ARID3A: variants seen among roughly 807,000 people sequenced by gnomAD.
ARID3A encodes the protein AT-rich interactive domain-containing protein 3A.
In ARID3A, 11 loss-of-function variants were observed where a neutral mutation model predicts 52.7. That is an observed-to-expected ratio of 0.21 (90% CI 0.13 to 0.35). The LOEUF is 0.35. ARID3A is among the 10% of genes least tolerant of loss of function. ARID3A has a pLI of 1.00. For synonymous variants in ARID3A, 404 were observed against 359.4 expected (o/e 1.12, Z -1.40); for missense variants, 721 against 838.5 (o/e 0.86, Z 1.73).
chr19:949,512 T>G (rs754868057), intron 3 of ARID3A, among the ~76,000 whole-genome samples: 6 of 152,004 alleles, frequency 3.9e-5, no homozygotes, highest in Non-Finnish European at 8.8e-5. Flanking sequence ...TACGGCCTCT[T>G]TCTTTTCCTT....
rs1184363115 is a variant in ARID3A, at chr19:938,224, G to A, written c.693+5482G>A. Reference sequence around the variant, plus strand: ...GGTTCTGATTTTCATTCAGTGTCAGGATCTCTCCCTCTGCTTTCCAAAGTA... The same window carrying A: ...GGTTCTGATTTTCATTCAGTGTCAGAATCTCTCCCTCTGCTTTCCAAAGTA... On this transcript the variant is annotated intron_variant, in intron 3 of 8. Transcript: ENST00000263620. This position sits in a 1 kb window ranked among gnomAD's most constrained non-coding sequence, Gnocchi z 4.0. Among the ~76,000 whole-genome samples the A allele has an allele frequency of 1.3e-5, 2 of 152,178 alleles. No individual in the cohort carries two copies. Among genetic ancestry groups the A allele is most frequent in the African/African-American group, 4.8e-5 (2 of 41,444 alleles).
chr19:973,104 A>ATCTTTTTT lies in ARID3A; in HGVS notation c.*1040_*1041insCTTTTTTT, dbSNP rs775338115. On this transcript the variant is annotated 3_prime_UTR_variant, in exon 9 of 9. Coordinates refer to ENST00000263620, the MANE Select transcript of ARID3A (RefSeq NM_005224.3). ...GGGCTCTCGAGTCAGGGGCCTGGAA[A>ATCTTTTTT]TTTTTTTTTTTTTTTTTTTTTGAGA... The ATCTTTTTT allele has an allele frequency of 3.5e-4, 19 of 53,656 alleles. No homozygotes were observed. The highest frequency in any genetic ancestry group is 0.02 in the Middle Eastern group (1 of 50). The allele number at this position is 53,656 out of a possible 1,614,324, so 3.3% of individuals were successfully genotyped here. A position where few individuals can be genotyped will look rare whatever the true frequency, so the allele number is the denominator to read the frequency against.
At position 929,681 on chromosome 19, in the gene ARID3A, T is replaced by A. The variant is rs2145343190; in HGVS notation, c.153T>A (p.Ser51Arg). Residue 51 changes from serine (S) to arginine (R), a missense_variant, in exon 2 of 9, where the codon AGT (serine) becomes AGA (arginine). Physicochemically the swap from Ser to Arg is moderately radical, Grantham distance 110. Around this residue, in one of 5 missense-constraint regions of ARID3A, gnomAD observed 349 missense variants for 297.3 expected, o/e 1.17. Coordinates refer to ENST00000263620, the MANE Select transcript of ARID3A (RefSeq NM_005224.3). The surrounding 1 kb of genome is among the most constrained non-coding windows in gnomAD (Gnocchi z 6.2). ...AAPDEDREPE[S>R]ARMQRAQMAA... Reference sequence around the variant, plus strand: ...CCGACGAGGACAGAGAGCCCGAGAGTGCCCGGATGCAGCGGGCTCAGATGG... The same window carrying A: ...CCGACGAGGACAGAGAGCCCGAGAGAGCCCGGATGCAGCGGGCTCAGATGG... The A allele has an allele frequency of 6.4e-7, 1 of 1,557,830 alleles. No individual in the cohort carries two copies. The highest frequency in any genetic ancestry group is 8.6e-7 in the Non-Finnish European group (1 of 1,160,222).
intron 2 of ARID3A, among the ~76,000 whole-genome samples, chr19:930,570 C>T (rs568066657): frequency 1.9e-4 from 28 of 146,758 alleles, no homozygotes; most frequent in Admixed American, 1.2e-3. Context: ...AGTGCAGTGG[C>T]GTGATCTCAG....
At chr19:952,760 GGGGGGCAAAGGTTCTCCCA>G (rs1314302279) in intron 3 of ARID3A, among the ~76,000 whole-genome samples, 2 of 149,902 alleles carry the variant, frequency 1.3e-5, no homozygotes, top group Non-Finnish European at 2.9e-5. Context: ...GAGGGGGCCT[GGGGGGCAAAGGTTCTCCCA>G]GGGGGCCCTG....
intron 6 of ARID3A, among the ~76,000 whole-genome samples, chr19:965,526 T>G (rs1352837942): frequency 1.5e-5 from 2 of 131,622 alleles, no homozygotes; most frequent in Non-Finnish European, 3.1e-5. Context: ...AGACCCCATC[T>G]CAAAAAAAAA....
At chr19:937,540 G>A (rs1209340188) in intron 3 of ARID3A, among the ~76,000 whole-genome samples, 1 of 151,990 alleles carries the variant, frequency 6.6e-6, no homozygotes, top group Non-Finnish European at 1.5e-5. Flanking sequence ...TTACTTTTGG[G>A]TGTGTATCTG....
At chr19:926,521 A>T (rs918519171) in intron 1 of ARID3A, among the ~76,000 whole-genome samples, 8 of 151,440 alleles carry the variant, frequency 5.3e-5, no homozygotes, top group South Asian at 4.2e-4. Flanking sequence ...ATTTTATTTC[A>T]TTTTTATTCT....
Position 973,706 on chromosome 19 carries a change from T to A in ARID3A, c.*1641T>A. On this transcript the variant is annotated 3_prime_UTR_variant, in exon 9 of 9. Transcript: ENST00000263620. ...CCTCTTCTCCCAACCCCTTTTGTGC[T>A]GGGGCTGCGAGCTCCCCGAGTTCTG... 4.4e-6 allele frequency: 1 copy of A among 227,338 alleles called. No homozygotes were observed. Among genetic ancestry groups the A allele is most frequent in the East Asian group, 6.3e-5 (1 of 15,894 alleles). The allele number at this position is 227,338 out of a possible 1,614,324, so 14.1% of individuals were successfully genotyped here.
rs372761578 is a variant in ARID3A, at chr19:966,889, C to T, written c.1495+21C>T. On this transcript the variant is annotated intron_variant, in intron 7 of 8. Transcript: ENST00000263620. Reference sequence around the variant, plus strand: ...CCAAGGTACTGCCCTCGTGCCCAGACCCGCTGTGCTTCCTGCGTGTGTCAC... The same window carrying T: ...CCAAGGTACTGCCCTCGTGCCCAGATCCGCTGTGCTTCCTGCGTGTGTCAC... 69 of 1,583,364 alleles carry T rather than the reference C, an allele frequency of 4.4e-5. No individual in the cohort carries two copies. In the African/African-American group the frequency reaches 9.1e-4, roughly 21 times the overall value.
intron 3 of ARID3A, among the ~76,000 whole-genome samples, chr19:948,067 G>C (rs1240255421): frequency 2.0e-5 from 3 of 152,136 alleles, no homozygotes; most frequent in South Asian, 2.1e-4. Context: ...GTAAGCGCCT[G>C]CTGGGTGTGG....
At chr19:953,562 C>A (rs899422410) in intron 3 of ARID3A, among the ~76,000 whole-genome samples, 1 of 152,266 alleles carries the variant, frequency 6.6e-6, no homozygotes, top group East Asian at 1.9e-4. Context: ...GTGTGTCTTG[C>A]AGATCCGTGT....
chr19:940,305 A>G (rs902341575), intron 3 of ARID3A, among the ~76,000 whole-genome samples: 3 of 152,114 alleles, frequency 2.0e-5, no homozygotes, highest in Non-Finnish European at 4.4e-5. Flanking sequence ...GCCAAAAAAA[A>G]TTGCAAAAAA....
At chr19:963,878 G>A (rs988713481) in intron 4 of ARID3A, among the ~76,000 whole-genome samples, 3 of 152,192 alleles carry the variant, frequency 2.0e-5, no homozygotes, top group Non-Finnish European at 4.4e-5. Flanking sequence ...CAGGCCTCTG[G>A]GAACATAGGC....
chr19:952,360 T>G (rs1263141614), intron 3 of ARID3A, among the ~76,000 whole-genome samples: 3 of 139,532 alleles, frequency 2.2e-5, no homozygotes, highest in Non-Finnish European at 4.5e-5. Context: ...GAGGATCACT[T>G]GAGCCTGAGA....
In ARID3A at chr19:959,978, A is replaced by C. The variant is rs1599418304; in HGVS notation, c.694-114A>C. On this transcript the variant is annotated intron_variant, in intron 3 of 8. Transcript: ENST00000263620. The surrounding 1 kb of genome is among the most constrained non-coding windows in gnomAD (Gnocchi z 5.0). ...GCTCTGGCAGCGGCTTGAGGGTCCTAGGGGTGGTGACCCCTGCTCCTGTCC... is the reference window on the plus strand; with the variant it reads ...GCTCTGGCAGCGGCTTGAGGGTCCTCGGGGTGGTGACCCCTGCTCCTGTCC... 2 of 825,992 alleles carry C rather than the reference A, an allele frequency of 2.4e-6. No individual in the cohort carries two copies. The highest frequency in any genetic ancestry group is 6.0e-5 in the East Asian group (2 of 33,344). The allele number at this position is 825,992 out of a possible 1,614,324, so 51.2% of individuals were successfully genotyped here.
At position 959,430 on chromosome 19, in the gene ARID3A, C is replaced by A. The variant is rs953094548; in HGVS notation, c.694-662C>A. ...CCGGGACTGTAGGCATGAGCCACCC[C>A]ACCTGGGTAACTTTTTGTTATCATA... On this transcript the variant is annotated intron_variant, in intron 3 of 8. Coordinates refer to ENST00000263620, the MANE Select transcript of ARID3A (RefSeq NM_005224.3). The surrounding 1 kb of genome is among the most constrained non-coding windows in gnomAD (Gnocchi z 5.0). Among the ~76,000 whole-genome samples the A allele has an allele frequency of 2.0e-5, 3 of 152,244 alleles. No homozygotes were observed. The highest frequency in any genetic ancestry group is 2.1e-4 in the South Asian group (1 of 4,826).
At chr19:952,477 A>G (rs1476973202) in intron 3 of ARID3A, among the ~76,000 whole-genome samples, 1 of 150,164 alleles carries the variant, frequency 6.7e-6, no homozygotes, top group East Asian at 2.0e-4. Context: ...AGGAAAGAAA[A>G]TTTCTCTTCT....
chr19:960,229 A>C lies in ARID3A; in HGVS notation c.766+65A>C. ...GAAACAGGGCTGTAGGAGGGGCCCT[A>C]CTGGCTCCAGGTATGTCGGGGCGGT... On this transcript the variant is annotated intron_variant, in intron 4 of 8. Transcript: ENST00000263620. This position sits in a 1 kb window ranked among gnomAD's most constrained non-coding sequence, Gnocchi z 4.3. 1 of 1,474,478 alleles carries C rather than the reference A, an allele frequency of 6.8e-7. No homozygotes were observed. Among genetic ancestry groups the C allele is most frequent in the Admixed American group, 1.9e-5 (1 of 54,042 alleles). 91.3% of individuals were successfully genotyped at this position (1,474,478 alleles called of 1,614,324 possible).
Sources: allele counts gnomAD v4.1 joint callset (sites outside exome capture counted in the v4.1 genomes callset), GRCh38; gene constraint gnomAD v4.1.1; regional missense constraint gnomAD v4.1.1; non-coding constraint Gnocchi (gnomAD v3.1); transcripts MANE v1.5; gene names NCBI Gene and HGNC (gene_info 2026-07-23, HGNC 2026-07-21).